SUSD1: variants seen among roughly 807,000 people sequenced by gnomAD.
SUSD1 encodes sushi domain-containing protein 1.
Under a neutral mutation model 86.9 loss-of-function variants are expected in SUSD1, and 65 were observed. The observed-to-expected ratio is 0.75, with a 90% CI of 0.61 to 0.92. SUSD1 has a LOEUF of 0.92. Among genes scored for constraint, SUSD1 ranks in the 40% least tolerant of loss-of-function variants. The pLI is 0.00. For synonymous variants in SUSD1, 346 were observed against 350.0 expected (o/e 0.99, Z 0.13); for missense variants, 850 against 929.7 (o/e 0.91, Z 1.11).
rs182124104 is a variant in SUSD1 at position 112,121,101 on chromosome 9, C to A, written c.886+3156G>T. On this transcript the variant is annotated intron_variant, in intron 6 of 16. Transcript: ENST00000374270. ...TAGCTCCAATTATTAAGACTGGACC[C>A]CCCTAGAGTCTTTGGTGTCAGTTAC... Among the ~76,000 whole-genome samples the A allele has an allele frequency of 7.9e-5, 12 of 152,310 alleles. No homozygotes were observed. In the East Asian group the frequency reaches 2.3e-3, roughly 29 times the overall value.
At chr9:112,076,968 G>A (rs1383835580) in intron 12 of SUSD1, among the ~76,000 whole-genome samples, 2 of 152,214 alleles carry the variant, frequency 1.3e-5, no homozygotes, top group African/African-American at 4.8e-5. Context: ...CGTGGGATGA[G>A]TGAAAGTGAG....
At chr9:112,108,672 G>C (rs541663183) in intron 8 of SUSD1, among the ~76,000 whole-genome samples, 1 of 151,722 alleles carries the variant, frequency 6.6e-6, no homozygotes, top group East Asian at 1.9e-4. Flanking sequence ...CAGCTACTTG[G>C]GAGGCTGAGG....
intron 10 of SUSD1, among the ~76,000 whole-genome samples, chr9:112,094,536 A>G (rs533526112): frequency 1.3e-5 from 2 of 152,362 alleles, no homozygotes; most frequent in African/African-American, 4.8e-5. Flanking sequence ...AATAGCAAAA[A>G]GTGTACACCT....
chr9:112,064,046 TGGGGGGGGGGC>T (rs1271864170), intron 12 of SUSD1, among the ~76,000 whole-genome samples: 1 of 78,656 alleles, frequency 1.3e-5, no homozygotes, highest in Non-Finnish European at 3.0e-5. Context: ...TTTCTTTTTT[TGGGGGGGGGGC>T]GGGTGGGGGC....
intron 7 of SUSD1, 81 bp from the exon 8 acceptor site, chr9:112,111,921 C>T: frequency 1.4e-6 from 2 of 1,421,746 alleles, no homozygotes; most frequent in South Asian, 1.3e-5. Context: ...GCCCATTCTC[C>T]TACTATTCTA....
chr9:112,055,417 A>AC (rs1325525900), intron 14 of SUSD1, among the ~76,000 whole-genome samples: 3 of 151,942 alleles, frequency 2.0e-5, no homozygotes, highest in Non-Finnish European at 2.9e-5. Context: ...ACAAAGTGAG[A>AC]CCCCATCCCC....
intron 10 of SUSD1, among the ~76,000 whole-genome samples, chr9:112,082,462 A>G (rs1829808181): frequency 6.6e-6 from 1 of 152,196 alleles, no homozygotes; most frequent in African/African-American, 2.4e-5. Context: ...CAAGAACATA[A>G]GAGTTAGAAG....
chr9:112,092,837 T>G (rs971913086), intron 10 of SUSD1, among the ~76,000 whole-genome samples: 2 of 152,168 alleles, frequency 1.3e-5, no homozygotes, highest in Non-Finnish European at 1.5e-5. Flanking sequence ...TAAACAAAAT[T>G]GAAAGAAACC....
At chr9:112,069,920 C>T (rs967960482) in intron 12 of SUSD1, among the ~76,000 whole-genome samples, 1 of 152,190 alleles carries the variant, frequency 6.6e-6, no homozygotes, top group Non-Finnish European at 1.5e-5. Context: ...CTGGTTCAAT[C>T]AACATGTGAC....
chr9:112,170,386 C>G (rs1204688192), intron 1 of SUSD1, among the ~76,000 whole-genome samples: 1 of 152,010 alleles, frequency 6.6e-6, no homozygotes, highest in Non-Finnish European at 1.5e-5. Flanking sequence ...TCCAGCCAGG[C>G]CTGAGCCAAC....
intron 13 of SUSD1, among the ~76,000 whole-genome samples, chr9:112,059,319 C>A (rs1406241645): frequency 6.6e-6 from 1 of 152,196 alleles, no homozygotes; most frequent in African/African-American, 2.4e-5. Context: ...TATCACTGCC[C>A]TGTGTGTGTG....
At chr9:112,156,492 G>A (rs71503511) in intron 2 of SUSD1, among the ~76,000 whole-genome samples, 3 of 151,334 alleles carry the variant, frequency 2.0e-5, no homozygotes, top group Non-Finnish European at 2.9e-5. Context: ...CTGAAGCTTC[G>A]AACTCCTGGG....
chr9:112,078,594 A>T lies in SUSD1; in HGVS notation c.1697T>A (p.Leu566His), dbSNP rs1388521432. 6.2e-7 allele frequency: 1 copy of T among 1,614,032 alleles called. No homozygotes were observed. The highest frequency in any genetic ancestry group is 1.1e-5 in the South Asian group (1 of 91,080). Reference protein sequence around the residue: ...LRPGTNYNVSLRALSSELPVV... With the variant: ...LRPGTNYNVSHRALSSELPVV... Reference sequence around the variant, plus strand: ...AGGAAGTTCCGAAGACAGAGCCCGGAGACTGACATTGTAGTTGGTACCCGG... The same window carrying T: ...AGGAAGTTCCGAAGACAGAGCCCGGTGACTGACATTGTAGTTGGTACCCGG... The change falls in exon 12 of 17, where the codon CTC (leucine) becomes CAC (histidine). Residue 566 changes from leucine (L) to histidine (H), a missense_variant. Leu to His is a moderately conservative substitution (Grantham distance 99, BLOSUM62 -3). Coordinates refer to ENST00000374270, the MANE Select transcript of SUSD1 (RefSeq NM_022486.5).
chr9:112,128,245 A>G (rs1831864156), intron 5 of SUSD1, among the ~76,000 whole-genome samples: 1 of 151,730 alleles, frequency 6.6e-6, no homozygotes, highest in African/African-American at 2.4e-5. Context: ...GGCATGCACC[A>G]CCACACCCAG....
chr9:112,052,416 ACTGCACAGGAGTGT>A lies in SUSD1; in HGVS notation c.2118_2131del (p.Arg706SerfsTer44), dbSNP rs1324585398. ...AATTTTACCTTTCACCTGAGCCCAA[ACTGCACAGGAGTGT>A]CTTCTCACCTATAAAGGAAAACATA... On this transcript the variant is annotated frameshift_variant, in exon 15 of 17. Transcript: ENST00000374270. LOFTEE classifies it high-confidence loss of function. The A allele has an allele frequency of 6.2e-7, 1 of 1,614,132 alleles. No homozygotes were observed. The highest frequency in any genetic ancestry group is 1.7e-5 in the Admixed American group (1 of 60,016).
intron 6 of SUSD1, among the ~76,000 whole-genome samples, chr9:112,117,479 G>A (rs948394551): frequency 1.3e-5 from 2 of 152,204 alleles, no homozygotes; most frequent in African/African-American, 2.4e-5. Flanking sequence ...GTCTCAGTGA[G>A]TGATAAAGTA....
intron 2 of SUSD1, among the ~76,000 whole-genome samples, chr9:112,154,383 G>A (rs888121596): frequency 1.3e-5 from 2 of 151,742 alleles, no homozygotes; most frequent in Non-Finnish European, 2.9e-5. Context: ...ACGTGGTGGT[G>A]TGTGCCTGTA....
At chr9:112,079,219 A>C (rs1829661031) in intron 11 of SUSD1, among the ~76,000 whole-genome samples, 1 of 152,026 alleles carries the variant, frequency 6.6e-6, no homozygotes. Context: ...GCAATACTAT[A>C]AATATTGTAC....
intron 7 of SUSD1, among the ~76,000 whole-genome samples, chr9:112,112,546 G>A: frequency 6.6e-6 from 1 of 152,024 alleles, no homozygotes; most frequent in Non-Finnish European, 1.5e-5. Context: ...TGAGGCAGGA[G>A]AATCGCTTGA....
Sources: gnomAD v4.1 joint callset for allele counts (sites outside exome capture counted in the v4.1 genomes callset) on GRCh38, gnomAD v4.1.1 for gene constraint, MANE v1.5 for transcripts, NCBI Gene and HGNC (gene_info 2026-07-23, HGNC 2026-07-21) for gene names.